The following MARCHF1 variants were observed in gnomAD, a reference collection of about 807,000 sequenced individuals.
MARCHF1 encodes membrane associated ring-CH-type finger 1.
A neutral mutation model predicts 54.2 loss-of-function variants in MARCHF1; 40 were observed. The observed-to-expected ratio is 0.74, with a 90% confidence interval of 0.57 to 0.96. MARCHF1 has a LOEUF of 0.96. Ranked by LOEUF, MARCHF1 falls within the 40% of genes least tolerant of loss-of-function variation. MARCHF1 has a pLI of 0.00. For synonymous variants in MARCHF1, 236 were observed against 236.3 expected (o/e 1.00, Z 0.01); for missense variants, 586 against 656.5 (o/e 0.89, Z 1.17).
chr4:164,364,880 A>C (rs1730836015), intron 1 of MARCHF1, among the ~76,000 whole-genome samples: 1 of 151,688 alleles, frequency 6.6e-6, no homozygotes, highest in African/African-American at 2.4e-5. Context: ...TGATCTATTC[A>C]TCTTTTCACA....
At chr4:164,241,951 A>C (rs917470385) in intron 1 of MARCHF1, among the ~76,000 whole-genome samples, 2 of 152,158 alleles carry the variant, frequency 1.3e-5, no homozygotes, top group Non-Finnish European at 2.9e-5. Flanking sequence ...ACGAGATTAT[A>C]TCCCACACCT....
intron 3 of MARCHF1, among the ~76,000 whole-genome samples, chr4:163,911,307 C>T (rs1486435390): frequency 6.6e-6 from 1 of 152,076 alleles, no homozygotes; most frequent in Non-Finnish European, 1.5e-5. Flanking sequence ...CAAGTCCTAC[C>T]TCTTTGTTGG....
At chr4:163,986,487 G>C (rs1219869678) in intron 3 of MARCHF1, among the ~76,000 whole-genome samples, 1 of 151,344 alleles carries the variant, frequency 6.6e-6, no homozygotes, top group Non-Finnish European at 1.5e-5. Context: ...GGATGGTCTC[G>C]ATCTCCTGAC....
At chr4:163,892,492 T>C (rs571168462) in intron 3 of MARCHF1, among the ~76,000 whole-genome samples, 2 of 151,716 alleles carry the variant, frequency 1.3e-5, no homozygotes, top group Non-Finnish European at 2.9e-5. Flanking sequence ...CCTTCTAGAG[T>C]TGTCATCAGG....
intron 1 of MARCHF1, among the ~76,000 whole-genome samples, chr4:164,276,889 AT>A (rs1172630750): frequency 2.7e-5 from 4 of 146,870 alleles, no homozygotes; most frequent in African/African-American, 7.4e-5. Flanking sequence ...ATATATATAT[AT>A]GTAATGGTAA....
intron 3 of MARCHF1, among the ~76,000 whole-genome samples, chr4:163,950,095 A>G (rs1752104394): frequency 1.3e-5 from 2 of 152,188 alleles, no homozygotes; most frequent in Non-Finnish European, 2.9e-5. Flanking sequence ...CTCAGGGCAC[A>G]GGCCAGGCCC....
intron 1 of MARCHF1, among the ~76,000 whole-genome samples, chr4:164,129,642 T>C (rs902575926): frequency 3.3e-5 from 5 of 152,176 alleles, no homozygotes; most frequent in African/African-American, 1.2e-4. Flanking sequence ...ACAGAAAGTA[T>C]TGCCTCAGTG....
At chr4:163,685,355 C>T (rs1744233459) in intron 5 of MARCHF1, among the ~76,000 whole-genome samples, 1 of 152,132 alleles carries the variant, frequency 6.6e-6, no homozygotes, top group Non-Finnish European at 1.5e-5. Context: ...ATCCTATTCC[C>T]CTTCTCAAGA....
intron 1 of MARCHF1, among the ~76,000 whole-genome samples, chr4:164,132,052 C>A (rs898787902): frequency 3.9e-5 from 6 of 151,986 alleles, no homozygotes; most frequent in African/African-American, 1.2e-4. Context: ...GCCAATGGAA[C>A]AACATAAAGC....
intron 1 of MARCHF1, among the ~76,000 whole-genome samples, chr4:164,175,604 G>A (rs1010299585): frequency 6.6e-6 from 1 of 152,208 alleles, no homozygotes. Flanking sequence ...AGACTCTAAA[G>A]TAAAGCAGAT....
chr4:164,136,436 A>T (rs1384481002), intron 1 of MARCHF1, among the ~76,000 whole-genome samples: 2 of 152,068 alleles, frequency 1.3e-5, no homozygotes, highest in Non-Finnish European at 2.9e-5. Context: ...AGAGTGAGTG[A>T]GTAACCCAGC....
rs558564418 is a variant in MARCHF1, at chr4:164,019,241, G to A, written c.-247-30532C>T. 3.3e-5 allele frequency among the ~76,000 whole-genome samples: 5 copies of A among 152,212 alleles called. No individual in the cohort carries two copies. The East Asian group carries it at 5.8e-4, about 18-fold the overall frequency. ...ACCTGTTGAGTGGGTCTTCAATTGC[G>A]CTAGGTCTCTCCAGGTGCACTGTAT... On this transcript the variant is annotated intron_variant, in intron 2 of 9. Coordinates refer to ENST00000514618, the MANE Select transcript of MARCHF1 (RefSeq NM_001394959.1).
At chr4:164,273,839 A>G (rs1733802861) in intron 1 of MARCHF1, among the ~76,000 whole-genome samples, 1 of 152,220 alleles carries the variant, frequency 6.6e-6, no homozygotes, top group South Asian at 2.1e-4. Flanking sequence ...TTATTCATAG[A>G]TGCAAACCAA....
In MARCHF1 at chr4:163,555,027, A is replaced by C. The variant is rs1739236853; in HGVS notation, c.1192-9284T>G. Among the ~76,000 whole-genome samples, 4 of 152,352 alleles carry C rather than the reference A, an allele frequency of 2.6e-5. No individual in the cohort carries two copies. In the South Asian group the frequency reaches 8.3e-4, roughly 32 times the overall value. On this transcript the variant is annotated intron_variant, in intron 8 of 9. Coordinates refer to ENST00000514618, the MANE Select transcript of MARCHF1 (RefSeq NM_001394959.1). ...TAAGCAAGATATTTGTAATATAGAA[A>C]AAAAGGTGCTGAGTAAAATCATCCA...
chr4:163,745,335 G>T (rs775825752), intron 4 of MARCHF1, among the ~76,000 whole-genome samples: 10 of 151,798 alleles, frequency 6.6e-5, no homozygotes, highest in Non-Finnish European at 1.2e-4. Flanking sequence ...TGCTGATCTT[G>T]AACTCCTGAC....
At chr4:164,194,783 T>C (rs1489897162) in intron 1 of MARCHF1, among the ~76,000 whole-genome samples, 3 of 152,150 alleles carry the variant, frequency 2.0e-5, no homozygotes, top group Admixed American at 2.0e-4. Flanking sequence ...ACTAATTAAA[T>C]AATAAGTAAA....
chr4:163,719,441 T>G (rs914601148), intron 4 of MARCHF1, among the ~76,000 whole-genome samples: 3 of 152,264 alleles, frequency 2.0e-5, no homozygotes, highest in African/African-American at 7.2e-5. Flanking sequence ...TGTTGGACAT[T>G]TGGGTTGGTT....
intron 3 of MARCHF1, among the ~76,000 whole-genome samples, chr4:163,961,607 G>C (rs1752347971): frequency 6.6e-6 from 1 of 151,872 alleles, no homozygotes; most frequent in Admixed American, 6.6e-5. Context: ...ACCATGAGCT[G>C]AAGCAGCATT....
At chr4:163,718,308 C>G (rs544850923) in intron 4 of MARCHF1, among the ~76,000 whole-genome samples, 2 of 152,282 alleles carry the variant, frequency 1.3e-5, no homozygotes, top group East Asian at 3.9e-4. Context: ...CAAATGGGAT[C>G]TAATTAAACT....
Sources: allele counts gnomAD v4.1 joint callset (sites outside exome capture counted in the v4.1 genomes callset), GRCh38; gene constraint gnomAD v4.1.1; transcripts MANE v1.5; gene names NCBI Gene and HGNC (gene_info 2026-07-23, HGNC 2026-07-21).